DLGAP2: variants seen among roughly 807,000 people sequenced by gnomAD.
DLGAP2 encodes the protein DLG associated protein 2.
DLGAP2 carries 26 observed loss-of-function variants against 100.3 expected under a neutral mutation model. The ratio of observed to expected loss-of-function variants is 0.26; its 90% CI spans 0.19 to 0.36. The LOEUF is 0.36. Among genes scored for constraint, DLGAP2 ranks in the 10% least tolerant of loss-of-function variants. The pLI is 1.00. For synonymous variants in DLGAP2, 886 were observed against 630.1 expected (o/e 1.41, Z -6.08); for missense variants, 1,858 against 1,453.2 (o/e 1.28, Z -4.53).
chr8:934,951 C>T (rs138670574), intron 2 of DLGAP2, among the ~76,000 whole-genome samples: 11 of 152,344 alleles, frequency 7.2e-5, no homozygotes, highest in African/African-American at 2.4e-4. Flanking sequence ...CCATAGTCTC[C>T]TTTCTGTCTC....
chr8:948,034 G>C (rs1433356103), intron 2 of DLGAP2, among the ~76,000 whole-genome samples: 1 of 123,314 alleles, frequency 8.1e-6, no homozygotes, highest in African/African-American at 2.9e-5. Flanking sequence ...GTGCCAGCCC[G>C]CGTGCGTCAT....
At chr8:1,620,575 T>C (rs559943789) in intron 6 of DLGAP2, 1 of 152,464 alleles carries the variant, frequency 6.6e-6, no homozygotes, top group African/African-American at 2.4e-5. Flanking sequence ...TTTCTTCCTA[T>C]CATAGATCTT....
chr8:1,214,288 C>G (rs1252613439), intron 2 of DLGAP2, among the ~76,000 whole-genome samples: 3 of 152,204 alleles, frequency 2.0e-5, no homozygotes, highest in African/African-American at 7.2e-5. Flanking sequence ...CACCACAGCT[C>G]CAGGACAAAA....
chr8:1,105,792 A>C (rs1157083629), intron 2 of DLGAP2, among the ~76,000 whole-genome samples: 1 of 146,646 alleles, frequency 6.8e-6, no homozygotes, highest in African/African-American at 2.6e-5. Context: ...TTTTCTACTG[A>C]GAGGAGCCAT....
chr8:1,414,975 C>G (rs945212528), intron 3 of DLGAP2, among the ~76,000 whole-genome samples: 2 of 152,056 alleles, frequency 1.3e-5, no homozygotes, highest in Non-Finnish European at 2.9e-5. Context: ...TGCCCCTGCA[C>G]TCGAGCCTGG....
chr8:1,407,785 T>C (rs1243350068), intron 3 of DLGAP2, among the ~76,000 whole-genome samples: 1 of 148,214 alleles, frequency 6.7e-6, no homozygotes, highest in Admixed American at 6.7e-5. Context: ...GAGCGCCACC[T>C]CCTCATCCTC....
At chr8:1,684,257 G>A (rs962342613) in intron 12 of DLGAP2, among the ~76,000 whole-genome samples, 4 of 151,854 alleles carry the variant, frequency 2.6e-5, no homozygotes, top group African/African-American at 9.7e-5. Context: ...AAATTGCCCA[G>A]ATACCTTCAT....
chr8:1,007,458 AG>A (rs1297593130), intron 2 of DLGAP2, among the ~76,000 whole-genome samples: 1 of 152,250 alleles, frequency 6.6e-6, no homozygotes. Context: ...CCTTCAGGCA[AG>A]AGCAAGTCAG....
intron 12 of DLGAP2, among the ~76,000 whole-genome samples, chr8:1,684,279 C>T (rs1239050948): frequency 6.6e-6 from 1 of 151,906 alleles, no homozygotes; most frequent in Non-Finnish European, 1.5e-5. Context: ...TTTTTGTGGA[C>T]AGATGTCAAA....
intron 3 of DLGAP2, among the ~76,000 whole-genome samples, chr8:1,389,285 G>A (rs1796292529): frequency 6.9e-6 from 1 of 144,342 alleles, no homozygotes; most frequent in Non-Finnish European, 1.5e-5. Context: ...CAGTGGGGAG[G>A]GGACTCTGGA....
chr8:1,154,228 A>C (rs1251608101), intron 2 of DLGAP2, among the ~76,000 whole-genome samples: 1 of 152,160 alleles, frequency 6.6e-6, no homozygotes, highest in Admixed American at 6.5e-5. Context: ...CAAAAGGGAA[A>C]AGAGAAAATG....
At chr8:939,071 G>A (rs1465698111) in intron 2 of DLGAP2, among the ~76,000 whole-genome samples, 3 of 151,878 alleles carry the variant, frequency 2.0e-5, no homozygotes, top group Non-Finnish European at 4.4e-5. Context: ...AGTGGGAGGT[G>A]CAGACACAGG....
intron 2 of DLGAP2, among the ~76,000 whole-genome samples, chr8:1,143,905 C>T (rs1029997124): frequency 2.6e-5 from 4 of 152,318 alleles, no homozygotes; most frequent in African/African-American, 9.6e-5. Context: ...CAGCTAGCAA[C>T]ATAACAGAGG....
chr8:1,414,009 A>T (rs1796807115), intron 3 of DLGAP2, among the ~76,000 whole-genome samples: 1 of 152,214 alleles, frequency 6.6e-6, no homozygotes, highest in African/African-American at 2.4e-5. Context: ...CAAAAAGTGC[A>T]GCTCAGGGCA....
chr8:1,169,849 C>T (rs191830680), intron 2 of DLGAP2, among the ~76,000 whole-genome samples: 2 of 151,914 alleles, frequency 1.3e-5, no homozygotes, highest in East Asian at 3.9e-4. Flanking sequence ...TTGACTTCCT[C>T]TTTTCCTAAT....
chr8:859,114 CT>C (rs113689898), intron 1 of DLGAP2, among the ~76,000 whole-genome samples: 67,229 of 142,246 alleles, frequency 0.47, 15,728 homozygotes, highest in Admixed American at 0.59. Flanking sequence ...CCTTAGTCTT[CT>C]TTTTTTTTTT....
At chr8:1,306,610 G>T (rs1442484421) in intron 3 of DLGAP2, among the ~76,000 whole-genome samples, 2 of 152,132 alleles carry the variant, frequency 1.3e-5, no homozygotes, top group Non-Finnish European at 2.9e-5. Context: ...TAAGAACTAA[G>T]TTGGAGTCTC....
In DLGAP2 at chr8:855,528, A is replaced by G. The variant is rs182180218; in HGVS notation, c.19-52384A>G. 3.1e-3 allele frequency among the ~76,000 whole-genome samples: 474 copies of G among 152,324 alleles called. 2 individuals are homozygous for G. Among genetic ancestry groups the G allele is most frequent in the African/African-American group, 0.01 (427 of 41,576 alleles). ...AAGAAGGAGGGTGTTTAACAGCACC[A>G]CGTGTCACACAGACACATCAGGAGG... On this transcript the variant is annotated intron_variant, in intron 1 of 14. Coordinates refer to ENST00000637795, the MANE Select transcript of DLGAP2 (RefSeq NM_001346810.2).
chr8:1,300,378 C>G (rs1401945547), intron 3 of DLGAP2: 1 of 152,142 alleles, frequency 6.6e-6, no homozygotes, highest in Non-Finnish European at 1.5e-5. Context: ...ATGCGTTTTC[C>G]CTCCCTACAC....
Sources: gnomAD v4.1 joint callset for allele counts (sites outside exome capture counted in the v4.1 genomes callset) on GRCh38, gnomAD v4.1.1 for gene constraint, MANE v1.5 for transcripts, NCBI Gene and HGNC (gene_info 2026-07-23, HGNC 2026-07-21) for gene names.